The following RARB variants were observed in gnomAD, a reference collection of about 807,000 sequenced individuals.
RARB encodes the protein HBV-activated protein.
RARB carries 17 observed loss-of-function variants against 51.9 expected under a neutral mutation model. The ratio of observed to expected loss-of-function variants is 0.33; its 90% CI spans 0.22 to 0.49. The LOEUF (loss-of-function observed/expected upper bound fraction) is 0.49, where lower values mean the gene tolerates loss of function less well. RARB is among the 20% of genes least tolerant of loss of function. RARB has a pLI of 0.99. For synonymous variants in RARB, 215 were observed against 195.4 expected, an observed-to-expected ratio of 1.10 and a Z score of -0.84; for missense variants, 369 against 550.8, an observed-to-expected ratio of 0.67 and a Z score of 3.30.
Position 25,544,677 on chromosome 3 carries a change from C to G in RARB, c.449-25081C>G, listed in dbSNP as rs542394909. On this transcript the variant is annotated intron_variant, in intron 3 of 7. Transcript: ENST00000330688. ...TCATTTGACATGGTCATTCCCCCGCCCCCTCCTCAAAATGCCACTTCAGTA... is the reference window on the plus strand; with the variant it reads ...TCATTTGACATGGTCATTCCCCCGCGCCCTCCTCAAAATGCCACTTCAGTA... Among the ~76,000 whole-genome samples, 287 of 152,060 alleles carry G rather than the reference C, an allele frequency of 1.9e-3. 3 individuals are homozygous for G. The highest frequency in any genetic ancestry group is 6.8e-3 in the African/African-American group (280 of 41,456).
At chr3:25,151,644 A>G (rs186972790) in intron 4 of RARB, among the ~76,000 whole-genome samples, 1 of 152,368 alleles carries the variant, frequency 6.6e-6, no homozygotes, top group Admixed American at 6.5e-5. Context: ...AGTTGCTAAT[A>G]AGATACTACA....
intron 2 of RARB, among the ~76,000 whole-genome samples, chr3:25,019,767 G>A (rs78050451): frequency 2.7e-3 from 404 of 152,226 alleles, no homozygotes; most frequent in African/African-American, 9.0e-3. Context: ...ATAAACAACA[G>A]GGTACCCAAG....
chr3:24,989,774 C>CTTTTTTTTTTTTTTTTTT lies in RARB; in HGVS notation c.-379-70332_-379-70315dup, dbSNP rs769275874. ...ATTTTAACTGTTGTCATATGTTTTTCTTTTTTTTTTTTTTTTTTTTTTTTT... is the reference window on the plus strand; with the variant it reads ...ATTTTAACTGTTGTCATATGTTTTTCTTTTTTTTTTTTTTTTTTTTTTTTTTTTTTTTTTTTTTTTTTT... On this transcript the variant is annotated intron_variant, in intron 2 of 11. Coordinates refer to the RARB transcript ENST00000383772. Among the ~76,000 whole-genome samples the CTTTTTTTTTTTTTTTTTT allele has an allele frequency of 4.1e-4, 12 of 29,532 alleles. 2 individuals carry two copies. Among genetic ancestry groups the CTTTTTTTTTTTTTTTTTT allele is most frequent in the South Asian group, 1.7e-3 (1 of 602 alleles). The allele number at this position is 29,532 out of a possible 152,430, so 19.4% of individuals were successfully genotyped here.
At chr3:25,377,326 G>A (rs1297917971) in intron 5 of RARB, among the ~76,000 whole-genome samples, 1 of 152,160 alleles carries the variant, frequency 6.6e-6, no homozygotes, top group Non-Finnish European at 1.5e-5. Flanking sequence ...TCAGAACTGT[G>A]CATTGCTTTT....
chr3:25,324,952 A>T (rs1307462185), intron 5 of RARB, among the ~76,000 whole-genome samples: 3 of 152,212 alleles, frequency 2.0e-5, no homozygotes, highest in Non-Finnish European at 4.4e-5. Flanking sequence ...GATCTCATGC[A>T]AGAAAGAATT....
intron 5 of RARB, among the ~76,000 whole-genome samples, chr3:25,281,486 G>C (rs139422918): frequency 1.3e-5 from 2 of 152,146 alleles, no homozygotes; most frequent in African/African-American, 2.4e-5. Context: ...ATTCTCTTAC[G>C]GGTGAACCAC....
intron 2 of RARB, among the ~76,000 whole-genome samples, chr3:25,021,717 T>G (rs1049711818): frequency 5.9e-5 from 9 of 152,168 alleles, no homozygotes; most frequent in African/African-American, 1.9e-4. Flanking sequence ...AATTTTTTTT[T>G]TAAATTCGAG....
At chr3:25,400,820 G>A (rs1707243805) in intron 5 of RARB, among the ~76,000 whole-genome samples, 1 of 151,960 alleles carries the variant, frequency 6.6e-6, no homozygotes, top group Non-Finnish European at 1.5e-5. Flanking sequence ...GGAACAGCTT[G>A]TAACAGACCA....
At chr3:25,169,058 A>T (rs931861616) in intron 4 of RARB, among the ~76,000 whole-genome samples, 2 of 152,174 alleles carry the variant, frequency 1.3e-5, no homozygotes, top group African/African-American at 4.8e-5. Flanking sequence ...AACTCTGTTT[A>T]AAAAAATGAC....
chr3:24,863,885 G>A (rs1559375330), intron 2 of RARB, among the ~76,000 whole-genome samples: 2 of 151,506 alleles, frequency 1.3e-5, no homozygotes. Context: ...CATTCTTCCT[G>A]CCCATGTGTG....
chr3:25,027,896 G>C (rs1036761973), intron 2 of RARB, among the ~76,000 whole-genome samples: 8 of 152,062 alleles, frequency 5.3e-5, no homozygotes, highest in African/African-American at 1.9e-4. Flanking sequence ...CTCTTGAACA[G>C]GTCATTTAAA....
intron 2 of RARB, among the ~76,000 whole-genome samples, chr3:24,912,462 T>A (rs936448651): frequency 2.6e-5 from 4 of 152,164 alleles, no homozygotes; most frequent in Non-Finnish European, 4.4e-5. Context: ...CTCAAATATG[T>A]GAGTATCTTC....
chr3:25,589,226 A>G (rs1210752768), intron 5 of RARB, among the ~76,000 whole-genome samples: 1 of 152,208 alleles, frequency 6.6e-6, no homozygotes, highest in African/African-American at 2.4e-5. Context: ...AAAGCACTGA[A>G]GCCAGAGGGA....
intron 2 of RARB, among the ~76,000 whole-genome samples, chr3:24,870,336 G>A (rs2125348640): frequency 6.6e-6 from 1 of 152,080 alleles, no homozygotes; most frequent in South Asian, 2.1e-4. Flanking sequence ...CTGATGTGAA[G>A]GTAGGGATTC....
chr3:25,414,470 T>C (rs1429517370), intron 5 of RARB, among the ~76,000 whole-genome samples: 5 of 152,214 alleles, frequency 3.3e-5, no homozygotes, highest in Non-Finnish European at 7.3e-5. Flanking sequence ...GGTAAGAATA[T>C]GTTCACCTTT....
intron 2 of RARB, among the ~76,000 whole-genome samples, chr3:24,915,799 A>C (rs1182453375): frequency 1.3e-5 from 2 of 152,130 alleles, no homozygotes; most frequent in Non-Finnish European, 2.9e-5. Flanking sequence ...GGGTCTATAC[A>C]AATGTAGGTG....
In RARB at chr3:24,985,632, G is replaced by A. The variant is rs188442461; in HGVS notation, c.-379-74493G>A. On this transcript the variant is annotated intron_variant, in intron 2 of 11. Coordinates refer to the RARB transcript ENST00000383772. ...GATTGGCAAAGTATAAAGAATAGAT[G>A]TTTGCCATTTGGAAAAAGGGGGTTT... is the stretch of plus-strand genomic sequence containing the variant. Among the ~76,000 whole-genome samples, 3 of 152,262 alleles carry A rather than the reference G, an allele frequency of 2.0e-5. No individual in the cohort carries two copies. The East Asian group carries it at 5.8e-4, about 29-fold the overall frequency.
intron 4 of RARB, among the ~76,000 whole-genome samples, chr3:25,159,057 GA>G (rs950500490): frequency 2.1e-5 from 3 of 143,854 alleles, no homozygotes; most frequent in South Asian, 2.2e-4. Flanking sequence ...CTGTGTAAGT[GA>G]AAAAAAAAGA....
chr3:25,390,293 A>C (rs1479989024), intron 5 of RARB, among the ~76,000 whole-genome samples: 1 of 152,080 alleles, frequency 6.6e-6, no homozygotes, highest in Non-Finnish European at 1.5e-5. Flanking sequence ...TGGGAGTTTG[A>C]GAATTTGACC....
Sources: allele counts gnomAD v4.1 joint callset (sites outside exome capture counted in the v4.1 genomes callset), GRCh38; gene constraint gnomAD v4.1.1; transcripts MANE v1.5; gene names NCBI Gene and HGNC (gene_info 2026-07-23, HGNC 2026-07-21).